The following EXT2 variants were observed in gnomAD, a reference collection of about 807,000 sequenced individuals.
EXT2 encodes the protein exostosin-2.
A neutral mutation model predicts 81.6 loss-of-function variants in EXT2; 53 were observed. The observed-to-expected ratio is 0.65, with a 90% CI of 0.52 to 0.82. The LOEUF (loss-of-function observed/expected upper bound fraction) is 0.82. EXT2 is among the 40% of genes least tolerant of loss of function. The pLI is 0.00. For missense variants in EXT2, 774 were observed against 910.2 expected (o/e 0.85, Z 1.93); for synonymous variants, 320 against 340.0 (o/e 0.94, Z 0.65).
chr11:44,157,092 G>C (rs1954865267), intron 7 of EXT2, among the ~76,000 whole-genome samples: 1 of 152,218 alleles, frequency 6.6e-6, no homozygotes, highest in Admixed American at 6.5e-5. Context: ...TGGAGTCTCT[G>C]TCTCTGTGAT....
rs189544037 is a variant in EXT2 at position 44,127,750 on chromosome 11, G to C, written c.1079+795G>C. The stretch of plus-strand genomic sequence containing the variant: ...ATTCTTGGGGATTCTGAATGTTAAA[G>C]CTCCCAGGTGATTCTGATTTGTAGT... On this transcript the variant is annotated intron_variant, in intron 6 of 13. Transcript: ENST00000533608. 4.6e-5 allele frequency among the ~76,000 whole-genome samples: 7 copies of C among 152,192 alleles called. No individual in the cohort carries two copies. In the East Asian group the frequency reaches 1.4e-3, roughly 29 times the overall value.
intron 4 of EXT2, among the ~76,000 whole-genome samples, chr11:44,123,072 G>C (rs978211113): frequency 2.0e-5 from 3 of 152,148 alleles, no homozygotes; most frequent in Non-Finnish European, 2.9e-5. Flanking sequence ...TGTGGTATAG[G>C]TTGCTCTTTT....
At chr11:44,206,128 G>A (rs995185095) in intron 9 of EXT2, among the ~76,000 whole-genome samples, 1 of 152,220 alleles carries the variant, frequency 6.6e-6, no homozygotes, top group Non-Finnish European at 1.5e-5. Context: ...AACCTAGTGA[G>A]TTGAGGGGAG....
chr11:44,204,992 C>G (rs1205656959), intron 9 of EXT2, among the ~76,000 whole-genome samples: 2 of 152,088 alleles, frequency 1.3e-5, no homozygotes, highest in Non-Finnish European at 2.9e-5. Flanking sequence ...AGTGATTGAA[C>G]CTTACTAGTT....
intron 7 of EXT2, among the ~76,000 whole-genome samples, chr11:44,145,871 C>T (rs1055315950): frequency 6.6e-6 from 1 of 152,196 alleles, no homozygotes; most frequent in African/African-American, 2.4e-5. Flanking sequence ...CAGAGCTGTA[C>T]AAGCCATGGT....
chr11:44,180,966 T>C (rs901347879), intron 8 of EXT2, among the ~76,000 whole-genome samples: 1 of 152,052 alleles, frequency 6.6e-6, no homozygotes, highest in African/African-American at 2.4e-5. Context: ...CTGGGCATGA[T>C]GGTGTGTGCC....
At chr11:44,198,395 A>G (rs1419107314) in intron 9 of EXT2, among the ~76,000 whole-genome samples, 1 of 151,862 alleles carries the variant, frequency 6.6e-6, no homozygotes, top group Non-Finnish European at 1.5e-5. Flanking sequence ...AAAAAAAAAA[A>G]GGGATGGCCT....
chr11:44,179,516 G>GTTAATTAATT (rs1955205455), intron 8 of EXT2, among the ~76,000 whole-genome samples: 1 of 152,186 alleles, frequency 6.6e-6, no homozygotes, highest in Non-Finnish European at 1.5e-5. Flanking sequence ...GATTAATTAA[G>GTTAATTAATT]AACATACTGA....
At chr11:44,101,378 A>C (rs1031973623) in intron 1 of EXT2, among the ~76,000 whole-genome samples, 1 of 152,118 alleles carries the variant, frequency 6.6e-6, no homozygotes, top group Non-Finnish European at 1.5e-5. Context: ...ATATATTTTT[A>C]GTTGTTACAG....
chr11:44,162,285 G>A (rs572766181), intron 7 of EXT2, among the ~76,000 whole-genome samples: 1 of 152,152 alleles, frequency 6.6e-6, no homozygotes, highest in Non-Finnish European at 1.5e-5. Context: ...AGTTATAAAA[G>A]CAATTACCAG....
At position 44,130,082 on chromosome 11, in the gene EXT2, G is replaced by A. The variant is rs750547674; in HGVS notation, c.1117G>A (p.Val373Met). Residue 373 changes from valine to methionine, a missense_variant, in exon 7 of 14, where the codon GTG (valine) becomes ATG (methionine). Coordinates refer to ENST00000533608, the MANE Select transcript of EXT2 (RefSeq NM_207122.2). Reference protein sequence around the residue: ...VVVPEEKMSDVYSILQSIPQR... With the variant: ...VVVPEEKMSDMYSILQSIPQR... ...TGTACCAGAAGAAAAGATGTCAGAT[G>A]TGTACAGTATTTTGCAGAGCATCCC... The A allele has an allele frequency of 1.2e-6, 2 of 1,614,170 alleles. No homozygotes were observed.
intron 8 of EXT2, among the ~76,000 whole-genome samples, chr11:44,177,288 C>T (rs1442852484): frequency 3.3e-5 from 5 of 152,228 alleles, no homozygotes; most frequent in South Asian, 2.1e-4. Flanking sequence ...TTTTCAGTCT[C>T]TTCATGCTTT....
At chr11:44,097,781 T>A (rs1489003310) in intron 1 of EXT2, among the ~76,000 whole-genome samples, 3,317 of 141,592 alleles carry the variant, frequency 0.023, 111 homozygotes, top group African/African-American at 0.053. Context: ...AATAAATAAA[T>A]AAATAAATAA....
rs1293562240 is a variant in EXT2, at chr11:44,247,318, C to T, written c.*3031C>T. Among the ~76,000 whole-genome samples, 1 of 145,688 alleles carries T rather than the reference C, an allele frequency of 6.9e-6. No individual in the cohort carries two copies. The highest frequency in any genetic ancestry group is 1.5e-5 in the Non-Finnish European group (1 of 67,228). ...CTGGAGTGCAACAATAGCATGGTCTCGGCTCACTACATCCTCCGCCTCCCA... is the reference window on the plus strand; with the variant it reads ...CTGGAGTGCAACAATAGCATGGTCTTGGCTCACTACATCCTCCGCCTCCCA... On this transcript the variant is annotated 3_prime_UTR_variant, in exon 14 of 14. Transcript: ENST00000533608.
intron 8 of EXT2, among the ~76,000 whole-genome samples, chr11:44,181,639 G>GT (rs1955237622): frequency 6.6e-6 from 1 of 151,958 alleles, no homozygotes; most frequent in African/African-American, 2.4e-5. Flanking sequence ...AAATCTGAGA[G>GT]TTTTTTTCCT....
chr11:44,152,334 G>C (rs1475725832), intron 7 of EXT2, among the ~76,000 whole-genome samples: 1 of 152,028 alleles, frequency 6.6e-6, no homozygotes, highest in Non-Finnish European at 1.5e-5. Flanking sequence ...TCATCTAGGA[G>C]TTTTATAGGG....
At position 44,235,225 on chromosome 11, in the gene EXT2, C is replaced by CTTTT. The variant is rs35214626; in HGVS notation, c.1935+1004_1935+1007dup. 7.2e-3 allele frequency among the ~76,000 whole-genome samples: 364 copies of CTTTT among 50,774 alleles called. 16 individuals are homozygous for CTTTT. Among genetic ancestry groups the CTTTT allele is most frequent in the Middle Eastern group, 0.024 (1 of 42 alleles). 33.3% of individuals were successfully genotyped at this position (50,774 alleles called of 152,430 possible). ...GGGACCCTTCCCATCCCCAAATTTGCTTTTTTTTTTTTTTTTTTTTTTTTT... is the reference window on the plus strand; with the variant it reads ...GGGACCCTTCCCATCCCCAAATTTGCTTTTTTTTTTTTTTTTTTTTTTTTTTTTT... On this transcript the variant is annotated intron_variant, in intron 12 of 13. Transcript: ENST00000533608.
chr11:44,244,535 A>G lies in EXT2; in HGVS notation c.*248A>G, dbSNP rs776347610. The G allele has an allele frequency of 8.8e-5, 45 of 508,766 alleles. No individual in the cohort carries two copies. The highest frequency in any genetic ancestry group is 1.1e-4 in the Non-Finnish European group (30 of 279,022). 31.5% of individuals were successfully genotyped at this position (508,766 alleles called of 1,614,324 possible). On this transcript the variant is annotated 3_prime_UTR_variant, in exon 14 of 14. Transcript: ENST00000533608. ...TGATGGGTTCTTCTCGAAAATGCCA[A>G]GTGGAAGACTTTGTGGCATGCTCCA... is the stretch of plus-strand genomic sequence containing the variant.
chr11:44,127,082 C>T (rs1954418678), intron 6 of EXT2, 127 bp downstream of exon 6: 1 of 1,291,886 alleles, frequency 7.7e-7, no homozygotes. Flanking sequence ...CTCTATTTTC[C>T]ATTAGGAGAG....
Sources: gnomAD v4.1 joint callset for allele counts (sites outside exome capture counted in the v4.1 genomes callset) on GRCh38, gnomAD v4.1.1 for gene constraint, MANE v1.5 for transcripts, NCBI Gene and HGNC (gene_info 2026-07-23, HGNC 2026-07-21) for gene names.